Variants in ARHGAP6 observed in about 807,000 individuals in gnomAD.
ARHGAP6 encodes rho GTPase-activating protein 6.
Under a neutral mutation model 55.7 loss-of-function variants are expected in ARHGAP6, and 16 were observed. That is an observed-to-expected ratio of 0.29 (90% CI 0.19 to 0.44). ARHGAP6 has a LOEUF of 0.44. Ranked by LOEUF, ARHGAP6 falls within the 20% of genes least tolerant of loss-of-function variation. The pLI is 1.00. For synonymous variants in ARHGAP6, 382 were observed against 360.9 expected (o/e 1.06, Z -0.66); for missense variants, 698 against 808.9 (o/e 0.86, Z 1.66).
At chrX:11,231,866 C>T (rs2047134730) in intron 2 of ARHGAP6, among the ~76,000 whole-genome samples, 1 of 112,094 alleles carries the variant, frequency 8.9e-6, no homozygotes, top group Admixed American at 9.4e-5. Context: ...GTATCTGTGT[C>T]AGAGGGTTAC....
chrX:11,219,302 G>C (rs1252628512), intron 2 of ARHGAP6, among the ~76,000 whole-genome samples: 219 of 72,119 alleles, frequency 3.0e-3, no homozygotes, highest in Middle Eastern at 8.8e-3. Context: ...GGACATTTGG[G>C]TTGGTTCCAA....
At chrX:11,423,351 A>G (rs1183858813) in intron 1 of ARHGAP6, among the ~76,000 whole-genome samples, 5 of 113,029 alleles carry the variant, frequency 4.4e-5, no homozygotes, top group Non-Finnish European at 9.4e-5. Context: ...GAATGTTCAT[A>G]GAGAACAAAC....
At chrX:11,313,060 C>A (rs1045722211) in intron 1 of ARHGAP6, among the ~76,000 whole-genome samples, 2 of 112,347 alleles carry the variant, frequency 1.8e-5, no homozygotes, top group African/African-American at 3.2e-5. Flanking sequence ...ATTAAATCTG[C>A]TAAACAACCT....
intron 1 of ARHGAP6, among the ~76,000 whole-genome samples, chrX:11,383,689 A>C (rs1468175524): frequency 2.7e-5 from 3 of 111,618 alleles, no homozygotes; most frequent in Non-Finnish European, 5.6e-5. Flanking sequence ...TTTAAAAGGC[A>C]ACAAAATACC....
intron 1 of ARHGAP6, among the ~76,000 whole-genome samples, chrX:11,339,904 CTT>C (rs2048682403): frequency 8.9e-6 from 1 of 112,296 alleles, no homozygotes; most frequent in African/African-American, 3.2e-5. Flanking sequence ...CAAGCAAGCT[CTT>C]GAGAGTCACA....
intron 2 of ARHGAP6, among the ~76,000 whole-genome samples, chrX:11,212,712 T>G (rs2046821611): frequency 8.9e-6 from 1 of 112,348 alleles, no homozygotes; most frequent in South Asian, 3.7e-4. Context: ...GCTAATAAAG[T>G]GTCCCTGCAT....
chrX:11,205,608 T>G (rs1411605966), intron 2 of ARHGAP6, among the ~76,000 whole-genome samples: 1 of 111,982 alleles, frequency 8.9e-6, no homozygotes, highest in Non-Finnish European at 1.9e-5. Context: ...CCCCACCTTT[T>G]ATGACTCCCA....
intron 1 of ARHGAP6, among the ~76,000 whole-genome samples, chrX:11,517,984 T>C (rs1435427337): frequency 9.0e-6 from 1 of 111,231 alleles, no homozygotes; most frequent in Admixed American, 9.6e-5. Flanking sequence ...AAAATAAAAA[T>C]AAAAACTTTA....
At chrX:11,663,606 A>T (rs915492741) in intron 1 of ARHGAP6, among the ~76,000 whole-genome samples, 1 of 111,971 alleles carries the variant, frequency 8.9e-6, no homozygotes, top group Non-Finnish European at 1.9e-5. Flanking sequence ...TTCTAAATGG[A>T]ATTTAGGCAT....
rs773559660 is a variant in ARHGAP6, at chrX:11,146,350, G to A, written c.1908-2102C>T. Among the ~76,000 whole-genome samples, 9 of 112,211 alleles carry A rather than the reference G, an allele frequency of 8.0e-5. No individual in the cohort carries two copies. In the South Asian group the frequency reaches 1.1e-3, roughly 14 times the overall value. On this transcript the variant is annotated intron_variant, in intron 10 of 12. Transcript: ENST00000337414. Reference sequence around the variant, plus strand: ...AGGAAACAGTGGGGGTGGCTGAAGCGAATCCCTGGAGGTAGAGGTAGATGA... The same window carrying A: ...AGGAAACAGTGGGGGTGGCTGAAGCAAATCCCTGGAGGTAGAGGTAGATGA...
chrX:11,436,732 C>T (rs868398897), intron 1 of ARHGAP6, among the ~76,000 whole-genome samples: 2 of 111,525 alleles, frequency 1.8e-5, no homozygotes, highest in African/African-American at 3.3e-5. Context: ...ACTGATAAAA[C>T]GTAGATGAAC....
intron 1 of ARHGAP6, among the ~76,000 whole-genome samples, chrX:11,316,697 C>T (rs2048363211): frequency 8.9e-6 from 1 of 112,244 alleles, no homozygotes; most frequent in Non-Finnish European, 1.9e-5. Context: ...CTTTGACCAA[C>T]ATCTCTCCAA....
chrX:11,349,996 C>A (rs1371105461), intron 1 of ARHGAP6, among the ~76,000 whole-genome samples: 1 of 111,681 alleles, frequency 9.0e-6, no homozygotes, highest in Non-Finnish European at 1.9e-5. Flanking sequence ...GGCCCCCTGC[C>A]TTACAAGGTG....
In ARHGAP6 at chrX:11,665,637, G is replaced by A; in HGVS notation, c.-809C>T. 8.8e-6 allele frequency: 1 copy of A among 113,255 alleles called. No homozygotes were observed. Among genetic ancestry groups the A allele is most frequent in the Non-Finnish European group, 1.9e-5 (1 of 53,370 alleles). 9.3% of individuals were successfully genotyped at this position (113,255 alleles called of 1,213,427 possible). A position where few individuals can be genotyped will look rare whatever the true frequency, so the allele number is the denominator to read the frequency against. Reference sequence around the variant, plus strand: ...GCTCTCCGTGGAGGAGGGAGCTCAGGAGACAGCCCCAAGGCCGGGTGTGTG... The same window carrying A: ...GCTCTCCGTGGAGGAGGGAGCTCAGAAGACAGCCCCAAGGCCGGGTGTGTG... On this transcript the variant is annotated 5_prime_UTR_variant, in exon 1 of 13. Transcript: ENST00000337414.
chrX:11,219,310 C>A (rs1477127485), intron 2 of ARHGAP6, among the ~76,000 whole-genome samples: 174 of 80,209 alleles, frequency 2.2e-3, no homozygotes, highest in Middle Eastern at 7.6e-3. Context: ...GGGTTGGTTC[C>A]AAGTCTTTGC....
At chrX:11,305,750 C>T (rs1348134271) in intron 1 of ARHGAP6, among the ~76,000 whole-genome samples, 1 of 111,847 alleles carries the variant, frequency 8.9e-6, no homozygotes, top group Admixed American at 9.5e-5. Context: ...ATAAAGTGGG[C>T]AGTAATTTAA....
At chrX:11,198,762 G>T (rs768152420) in intron 2 of ARHGAP6, among the ~76,000 whole-genome samples, 1 of 112,151 alleles carries the variant, frequency 8.9e-6, no homozygotes, top group Non-Finnish European at 1.9e-5. Flanking sequence ...CTATGTAGAT[G>T]TGTATAAATA....
At chrX:11,548,624 T>G (rs918785066) in intron 1 of ARHGAP6, among the ~76,000 whole-genome samples, 1 of 86,205 alleles carries the variant, frequency 1.2e-5, no homozygotes, top group Admixed American at 1.2e-4. Flanking sequence ...ATTTCTTTTT[T>G]TTTTTTATTG....
rs762697660 is a variant in ARHGAP6 at position 11,230,903 on chromosome X, C to T, written c.748+23645G>A. 1.4e-4 allele frequency among the ~76,000 whole-genome samples: 15 copies of T among 110,540 alleles called. No homozygotes were observed. In the South Asian group the frequency reaches 3.1e-3, roughly 23 times the overall value. On this transcript the variant is annotated intron_variant, in intron 2 of 12. Transcript: ENST00000337414. ...TCCATGTACCCCACCAGAGTGGTGC[C>T]TTTGTTGCACTCCATGAAATTACAT...
Sources: gnomAD v4.1 joint callset for allele counts (sites outside exome capture counted in the v4.1 genomes callset) on GRCh38, gnomAD v4.1.1 for gene constraint, MANE v1.5 for transcripts, NCBI Gene and HGNC (gene_info 2026-07-23, HGNC 2026-07-21) for gene names.